Variants in GRM5 observed in about 807,000 individuals in gnomAD.
The protein encoded by GRM5 is glutamate metabotropic receptor 5, also known as metabotropic glutamate receptor 5.
GRM5 carries 19 observed loss-of-function variants against 83.1 expected under a neutral mutation model. The observed-to-expected ratio is 0.23, with a 90% confidence interval of 0.16 to 0.34. GRM5 has a LOEUF of 0.34. Among genes scored for constraint, GRM5 ranks in the 10% least tolerant of loss-of-function variants. GRM5 has a pLI of 1.00. For synonymous variants in GRM5, 675 were observed against 633.6 expected (o/e 1.07, Z -0.98); for missense variants, 1,160 against 1,588.3 (o/e 0.73, Z 4.58).
intron 3 of GRM5, among the ~76,000 whole-genome samples, chr11:88,760,000 C>T (rs528396893): frequency 6.6e-6 from 1 of 151,986 alleles, no homozygotes; most frequent in South Asian, 2.1e-4. Flanking sequence ...GAAATTAAGG[C>T]AGAAATCAAG....
chr11:88,882,323 G>A (rs928429754), intron 2 of GRM5, among the ~76,000 whole-genome samples: 44 of 151,194 alleles, frequency 2.9e-4, no homozygotes, highest in Admixed American at 7.9e-4. Context: ...AGGCCAAGGC[G>A]GGTAGATCAC....
intron 9 of GRM5, among the ~76,000 whole-genome samples, chr11:88,510,873 C>T (rs1941350252): frequency 2.6e-5 from 4 of 152,186 alleles, no homozygotes; most frequent in Admixed American, 2.0e-4. Flanking sequence ...AATCCAAGAT[C>T]TCTGTTACTA....
intron 3 of GRM5, among the ~76,000 whole-genome samples, chr11:88,823,516 T>C (rs1038014881): frequency 7.3e-6 from 1 of 136,486 alleles, no homozygotes; most frequent in African/African-American, 2.5e-5. Context: ...TAATTAATGT[T>C]AGGGGATTTC....
chr11:88,515,975 C>T (rs1444825560), intron 9 of GRM5, among the ~76,000 whole-genome samples: 1 of 152,164 alleles, frequency 6.6e-6, no homozygotes, highest in Admixed American at 6.5e-5. Context: ...GGTGTTTTCA[C>T]CTATGGCATC....
chr11:88,695,777 G>A (rs1940888193), intron 3 of GRM5, among the ~76,000 whole-genome samples: 1 of 152,148 alleles, frequency 6.6e-6, no homozygotes. Flanking sequence ...ACAGGGTGTG[G>A]CTCGCTTCTT....
chr11:88,919,601 C>G (rs1189460631), intron 2 of GRM5, among the ~76,000 whole-genome samples: 4 of 151,736 alleles, frequency 2.6e-5, no homozygotes, highest in Non-Finnish European at 5.9e-5. Context: ...AATATACATT[C>G]TTTTCCTCAG....
At chr11:89,013,921 T>G (rs1219758595) in intron 2 of GRM5, among the ~76,000 whole-genome samples, 3 of 152,206 alleles carry the variant, frequency 2.0e-5, no homozygotes, top group African/African-American at 4.8e-5. Context: ...CACTTATTCA[T>G]GTAGCCTCCC....
intron 2 of GRM5, among the ~76,000 whole-genome samples, chr11:88,896,398 G>C (rs977014531): frequency 6.6e-6 from 1 of 151,850 alleles, no homozygotes; most frequent in African/African-American, 2.4e-5. Flanking sequence ...TAAAACAATA[G>C]CAAGTATCAA....
chr11:88,737,460 T>C (rs971067991), intron 3 of GRM5, among the ~76,000 whole-genome samples: 3 of 152,088 alleles, frequency 2.0e-5, no homozygotes, highest in Non-Finnish European at 4.4e-5. Flanking sequence ...TAAACATCTT[T>C]TATGGGCTAA....
chr11:88,773,615 A>AATTAAT (rs1328928124), intron 3 of GRM5, among the ~76,000 whole-genome samples: 2 of 152,108 alleles, frequency 1.3e-5, no homozygotes, highest in Non-Finnish European at 2.9e-5. Context: ...ATCCATCTTG[A>AATTAAT]ATTAATTTTT....
chr11:88,551,087 A>C (rs1253299023), intron 8 of GRM5, among the ~76,000 whole-genome samples: 1 of 152,004 alleles, frequency 6.6e-6, no homozygotes, highest in Non-Finnish European at 1.5e-5. Context: ...TCTCAATTTC[A>C]CATGTCTCAA....
Position 88,849,903 on chromosome 11 carries a change from C to T in GRM5, c.911+3G>A, listed in dbSNP as rs201119407. 1.8e-4 allele frequency: 295 copies of T among 1,613,820 alleles called. No individual in the cohort carries two copies. The highest frequency in any genetic ancestry group is 2.5e-4 in the Non-Finnish European group (290 of 1,179,850). On this transcript the variant is annotated splice_donor_region_variant and intron_variant, in intron 3 of 9. Transcript: ENST00000305447. ...CCATGTAAATTTTCTTATTATCACT[C>T]ACCTGCCCAGAAGCAGAAATTCTCC...
At chr11:89,028,909 G>A (rs536570916) in intron 2 of GRM5, among the ~76,000 whole-genome samples, 58 of 152,220 alleles carry the variant, frequency 3.8e-4, no homozygotes, top group African/African-American at 1.3e-3. Flanking sequence ...TCTACATTAG[G>A]TATTTTTCCT....
intron 2 of GRM5, among the ~76,000 whole-genome samples, chr11:88,893,795 C>G (rs540579488): frequency 5.2e-4 from 79 of 152,036 alleles, no homozygotes; most frequent in African/African-American, 1.9e-3. Flanking sequence ...CGTCCCTTTT[C>G]AGCAGGAAGT....
At chr11:88,803,726 A>G (rs1483905307) in intron 3 of GRM5, among the ~76,000 whole-genome samples, 2 of 152,124 alleles carry the variant, frequency 1.3e-5, no homozygotes, top group African/African-American at 4.8e-5. Context: ...AGCAAAAGAA[A>G]CTACCATCAG....
At chr11:88,979,530 C>A (rs1024509301) in intron 2 of GRM5, among the ~76,000 whole-genome samples, 5 of 152,118 alleles carry the variant, frequency 3.3e-5, no homozygotes, top group African/African-American at 1.2e-4. Context: ...TGTGTCAAGA[C>A]TCTTTAGAGA....
At chr11:88,661,474 ATC>A (rs931544795) in intron 3 of GRM5, among the ~76,000 whole-genome samples, 7 of 151,918 alleles carry the variant, frequency 4.6e-5, no homozygotes, top group Non-Finnish European at 1.0e-4. Context: ...TTTTTTCAAA[ATC>A]TGTTTGCAAC....
At chr11:88,770,970 A>AT (rs1191079597) in intron 3 of GRM5, among the ~76,000 whole-genome samples, 1 of 152,116 alleles carries the variant, frequency 6.6e-6, no homozygotes, top group African/African-American at 2.4e-5. Flanking sequence ...ACTTTTCCTC[A>AT]TTTTTTAGTC....
intron 2 of GRM5, among the ~76,000 whole-genome samples, chr11:88,991,363 G>C (rs1353404438): frequency 6.6e-6 from 1 of 151,796 alleles, no homozygotes; most frequent in African/African-American, 2.4e-5. Context: ...AAATAAAAGA[G>C]GATACAAACA....
Sources: allele counts gnomAD v4.1 joint callset (sites outside exome capture counted in the v4.1 genomes callset), GRCh38; gene constraint gnomAD v4.1.1; transcripts MANE v1.5; gene names NCBI Gene and HGNC (gene_info 2026-07-23, HGNC 2026-07-21).